Variants in DLC1 observed in about 807,000 individuals in gnomAD.
DLC1 encodes rho GTPase-activating protein 7.
A neutral mutation model predicts 140.3 loss-of-function variants in DLC1; 54 were observed. That is an observed-to-expected ratio of 0.38 (90% CI 0.31 to 0.48). DLC1 has a LOEUF of 0.48. Among genes scored for constraint, DLC1 ranks in the 20% least tolerant of loss-of-function variants. The pLI, the probability that DLC1 is intolerant of heterozygous loss-of-function variation, is 0.96. For synonymous variants in DLC1, 986 were observed against 728.1 expected, an observed-to-expected ratio of 1.35 and a Z score of -5.70; for missense variants, 2,536 against 1,907.0, an observed-to-expected ratio of 1.33 and a Z score of -6.14.
At chr8:13,364,037 A>ATG (rs112809159) in intron 4 of DLC1, among the ~76,000 whole-genome samples, 10 of 151,960 alleles carry the variant, frequency 6.6e-5, no homozygotes, top group African/African-American at 1.9e-4. Flanking sequence ...GTGTGTGTGT[A>ATG]TGTGTGTGTG....
Position 13,492,665 on chromosome 8 carries a change from T to C in DLC1, c.1023+6384A>G, listed in dbSNP as rs1205354708. ...AATGGAATAAAGTCTGCTAACTGGC[T>C]CATGGTGGTGGACCAAGCACATAGG... On this transcript the variant is annotated intron_variant, in intron 2 of 17. Coordinates refer to ENST00000276297, the MANE Select transcript of DLC1 (RefSeq NM_182643.3). Among the ~76,000 whole-genome samples, 7 of 152,146 alleles carry C rather than the reference T, an allele frequency of 4.6e-5. No individual in the cohort carries two copies. In the East Asian group the frequency reaches 5.8e-4, roughly 13 times the overall value.
At chr8:13,108,889 G>A (rs1819814539) in intron 7 of DLC1, among the ~76,000 whole-genome samples, 1 of 152,124 alleles carries the variant, frequency 6.6e-6, no homozygotes, top group Non-Finnish European at 1.5e-5. Context: ...ACTGCATCTG[G>A]TTTCATTCCC....
rs1220897023 is a variant in DLC1 at position 13,097,966 on chromosome 8, T to G, written c.3167+433A>C. On this transcript the variant is annotated intron_variant, in intron 10 of 17. Coordinates refer to ENST00000276297, the MANE Select transcript of DLC1 (RefSeq NM_182643.3). ...TGGGAGGCCGAGGCAGGTGGATCTC[T>G]TGAGCCCAGGAATTCCAGACCAGCC... Among the ~76,000 whole-genome samples, 12 of 149,428 alleles carry G rather than the reference T, an allele frequency of 8.0e-5. No homozygotes were observed. In the South Asian group the frequency reaches 2.6e-3, roughly 32 times the overall value.
intron 10 of DLC1, 141 bp from the exon 11 acceptor site, chr8:13,095,386 T>A (rs1351989401): frequency 9.2e-7 from 1 of 1,083,778 alleles, no homozygotes; most frequent in Non-Finnish European, 1.3e-6. Flanking sequence ...TTAAACAAAA[T>A]GACAAATTCA....
chr8:13,264,810 A>C, intron 5 of DLC1, among the ~76,000 whole-genome samples: 1 of 152,236 alleles, frequency 6.6e-6, no homozygotes, highest in East Asian at 1.9e-4. Context: ...TCCAAGTGTT[A>C]ACCAAATGAT....
rs150272124 is a variant in DLC1, at chr8:13,572,487, A to G, written c.-126+32050T>C. Among the ~76,000 whole-genome samples the G allele has an allele frequency of 3.3e-5, 5 of 152,222 alleles. No homozygotes were observed. The East Asian group carries it at 9.7e-4, about 29-fold the overall frequency. On this transcript the variant is annotated intron_variant, in intron 1 of 1. Transcript: ENST00000631382. The stretch of plus-strand genomic sequence containing the variant: ...TTATACACACAAGTTTTTAATTTTC[A>G]TAAAGTTCAGTTTTTCTATTTCTTC...
At chr8:13,181,633 A>G (rs1249535046) in intron 5 of DLC1, among the ~76,000 whole-genome samples, 1 of 152,068 alleles carries the variant, frequency 6.6e-6, no homozygotes, top group Admixed American at 6.6e-5. Context: ...GATGGTTTAC[A>G]GCTTCATCCA....
chr8:13,498,962 C>T, intron 2 of DLC1, 87 bp downstream of exon 2: 1 of 1,455,386 alleles, frequency 6.9e-7, no homozygotes, highest in African/African-American at 1.4e-5. Context: ...ATCTTCATAT[C>T]TTTTTAATCC....
intron 5 of DLC1, among the ~76,000 whole-genome samples, chr8:13,265,844 C>T (rs1159758734): frequency 6.6e-6 from 1 of 151,734 alleles, no homozygotes; most frequent in Non-Finnish European, 1.5e-5. Context: ...CTATGATATG[C>T]TAATCCTTCG....
rs1258711108 is a variant in DLC1 at position 13,090,026 on chromosome 8, A to G, written c.4074+226T>C. ...GTAGAGCCAAAGGAGTTCATTAGAA[A>G]TAGTTGAAATCCTCTCCCAAGTGTT... On this transcript the variant is annotated intron_variant, in intron 15 of 17. Coordinates refer to ENST00000276297, the MANE Select transcript of DLC1 (RefSeq NM_182643.3). Among the ~76,000 whole-genome samples the G allele has an allele frequency of 2.6e-5, 4 of 152,248 alleles. No individual in the cohort carries two copies. In the East Asian group the frequency reaches 7.7e-4, roughly 29 times the overall value.
At position 13,221,403 on chromosome 8, in the gene DLC1, C is replaced by T. The variant is rs1192071565; in HGVS notation, c.1348+83866G>A. On this transcript the variant is annotated intron_variant, in intron 5 of 17. Transcript: ENST00000276297. The stretch of plus-strand genomic sequence containing the variant: ...TTTTTTGTTTTGAGACGGAGCCTTG[C>T]TCTGTCACCCAGGCTGGAGTGCAGT... Among the ~76,000 whole-genome samples the T allele has an allele frequency of 2.0e-5, 3 of 150,204 alleles. No homozygotes were observed. The East Asian group carries it at 5.9e-4, about 29-fold the overall frequency.
rs1182676846 is a variant in DLC1, at chr8:13,090,320, C to T, written c.4006G>A (p.Val1336Ile). ...QDCVDGLFKE[V>I]KEKFKGWVSY... ...ACCCAGCCTTTAAACTTCTCTTTGA[C>T]TTCTTTAAACAGGCCATCCACACAG... Residue 1336 changes from valine (V) to isoleucine (I), a missense_variant, in exon 15 of 18, where the codon GTC (valine) becomes ATC (isoleucine). Transcript: ENST00000276297. The T allele has an allele frequency of 6.2e-7, 1 of 1,614,214 alleles. No homozygotes were observed. The highest frequency in any genetic ancestry group is 8.5e-7 in the Non-Finnish European group (1 of 1,180,046).
intron 1 of DLC1, among the ~76,000 whole-genome samples, chr8:13,512,017 C>CT (rs994733090): frequency 1.3e-5 from 2 of 151,890 alleles, no homozygotes; most frequent in African/African-American, 2.4e-5. Flanking sequence ...AGAAAAAATT[C>CT]TTTTTTTTAA....
chr8:13,303,748 G>C (rs187581817), intron 5 of DLC1, among the ~76,000 whole-genome samples: 1 of 152,250 alleles, frequency 6.6e-6, no homozygotes, highest in East Asian at 1.9e-4. Context: ...GTTGCAGTGA[G>C]CCAAGATCAC....
At chr8:13,465,578 G>A (rs1396396000) in intron 2 of DLC1, among the ~76,000 whole-genome samples, 1 of 151,776 alleles carries the variant, frequency 6.6e-6, no homozygotes, top group Non-Finnish European at 1.5e-5. Flanking sequence ...TTCTTCTTCT[G>A]GGTTATTTGT....
At chr8:13,347,179 G>A (rs754027912) in intron 4 of DLC1, among the ~76,000 whole-genome samples, 1 of 152,182 alleles carries the variant, frequency 6.6e-6, no homozygotes, top group Non-Finnish European at 1.5e-5. Flanking sequence ...GAAAATGGGG[G>A]ACTAATGTAT....
At chr8:13,544,342 C>T (rs892855998) in intron 1 of DLC1, among the ~76,000 whole-genome samples, 1 of 152,124 alleles carries the variant, frequency 6.6e-6, no homozygotes, top group Non-Finnish European at 1.5e-5. Flanking sequence ...TGATTGTTCT[C>T]ATATCTTATT....
At chr8:13,112,441 A>T (rs1267560642) in intron 6 of DLC1, among the ~76,000 whole-genome samples, 1 of 152,206 alleles carries the variant, frequency 6.6e-6, no homozygotes, top group African/African-American at 2.4e-5. Flanking sequence ...CAGTTGGATT[A>T]CTGACATTGT....
At chr8:13,158,733 T>TCCCCCCCCCCCCCCCC (rs71207127) in intron 5 of DLC1, among the ~76,000 whole-genome samples, 3 of 58,984 alleles carry the variant, frequency 5.1e-5, no homozygotes, top group Non-Finnish European at 1.0e-4. Context: ...ACCACCACCC[T>TCCCCCCCCCCCCCCCC]CCCCCCCCCC....
Sources: gnomAD v4.1 joint callset for allele counts (sites outside exome capture counted in the v4.1 genomes callset) on GRCh38, gnomAD v4.1.1 for gene constraint, MANE v1.5 for transcripts, NCBI Gene and HGNC (gene_info 2026-07-23, HGNC 2026-07-21) for gene names.